Variants in HBEGF observed in about 807,000 individuals in gnomAD.
The protein encoded by HBEGF is proheparin-binding EGF-like growth factor.
A neutral mutation model predicts 19.5 loss-of-function variants in HBEGF; 8 were observed. The ratio of observed to expected loss-of-function variants is 0.41; its 90% CI spans 0.24 to 0.74. The LOEUF is 0.74. Ranked by LOEUF, HBEGF falls within the 30% of genes least tolerant of loss-of-function variation. The probability of loss-of-function intolerance (pLI) is 0.32; values close to 1 mark genes in which losing one functional copy is unlikely to be tolerated. For synonymous variants in HBEGF, 97 were observed against 108.9 expected (o/e 0.89, Z 0.68); for missense variants, 207 against 256.9 (o/e 0.81, Z 1.33).
intron 3 of HBEGF, among the ~76,000 whole-genome samples, chr5:140,341,698 A>T (rs907957270): frequency 6.6e-6 from 1 of 152,220 alleles, no homozygotes; most frequent in African/African-American, 2.4e-5. Flanking sequence ...TGCATACAAC[A>T]GTCTCTTGGC....
rs770209557 is a variant in HBEGF, at chr5:140,335,861, C to G, written c.554+11G>C. 1.2e-6 allele frequency: 2 copies of G among 1,613,458 alleles called. No individual in the cohort carries two copies. Among genetic ancestry groups the G allele is most frequent in the Non-Finnish European group, 1.7e-6 (2 of 1,179,710 alleles). On this transcript the variant is annotated intron_variant, in intron 4 of 5. Transcript: ENST00000230990. The stretch of plus-strand genomic sequence containing the variant: ...TTGCAGAAACAGCCTGCAGGGGACC[C>G]CAACACTCACCTAAACATGAGAAGC...
intron 3 of HBEGF, among the ~76,000 whole-genome samples, chr5:140,337,940 T>C (rs1430891216): frequency 1.3e-5 from 2 of 152,100 alleles, no homozygotes; most frequent in African/African-American, 4.8e-5. Flanking sequence ...CTCCTAACAT[T>C]CTGGTAGGCA....
chr5:140,343,982 A>G (rs1766354975), intron 2 of HBEGF, among the ~76,000 whole-genome samples: 1 of 152,170 alleles, frequency 6.6e-6, no homozygotes, highest in Non-Finnish European at 1.5e-5. Context: ...TACAAAAAAT[A>G]CAAAAATTAG....
chr5:140,342,583 G>T (rs1561542353), intron 3 of HBEGF, 52 bp downstream of exon 3: 2 of 1,534,516 alleles, frequency 1.3e-6, no homozygotes, highest in African/African-American at 1.4e-5. Context: ...GAACAGCCAC[G>T]TGGCTGACAA....
chr5:140,340,815 T>C (rs2237077), intron 3 of HBEGF, among the ~76,000 whole-genome samples: 47,274 of 151,922 alleles, frequency 0.31, 7,867 homozygotes, highest in African/African-American at 0.41. Flanking sequence ...CCAGTACAGC[T>C]TGAGGGCATG....
intron 3 of HBEGF, 81 bp from the exon 4 acceptor site, chr5:140,336,108 C>A: frequency 7.1e-7 from 1 of 1,416,910 alleles, no homozygotes; most frequent in East Asian, 2.3e-5. Flanking sequence ...TAAGCCAAAC[C>A]CCATTCCTCA....
chr5:140,343,116 A>C, intron 2 of HBEGF: 1 of 325,992 alleles, frequency 3.1e-6, no homozygotes, highest in South Asian at 5.2e-5. Context: ...AATTCTACCA[A>C]CCTCACCTCC....
intron 2 of HBEGF, 130 bp downstream of exon 2, chr5:140,345,781 G>C: frequency 1.8e-6 from 2 of 1,091,186 alleles, no homozygotes; most frequent in Non-Finnish European, 2.7e-6. Flanking sequence ...CCATCAGGCC[G>C]ATCAGCTTTT....
intron 2 of HBEGF, 145 bp downstream of exon 2, chr5:140,345,766 A>C (rs573781312): frequency 3.3e-6 from 3 of 900,236 alleles, no homozygotes; most frequent in Non-Finnish European, 5.3e-6. Context: ...AGGATCCCCC[A>C]GTGCCCATCA....
rs1007400044 is a variant in HBEGF at position 140,339,638 on chromosome 5, C to T, written c.398+2997G>A. ...CGAACTCCTGACCTCAGGCGACCCA[C>T]GTGCCTCGGCCTCCCAAAGTGCTGT... On this transcript the variant is annotated intron_variant, in intron 3 of 5. Coordinates refer to ENST00000230990, the MANE Select transcript of HBEGF (RefSeq NM_001945.3). Among the ~76,000 whole-genome samples the T allele has an allele frequency of 5.9e-5, 9 of 152,232 alleles. No homozygotes were observed. In the South Asian group the frequency reaches 6.2e-4, roughly 11 times the overall value.
intron 2 of HBEGF, among the ~76,000 whole-genome samples, chr5:140,343,372 G>A (rs892568105): frequency 1.3e-5 from 2 of 152,182 alleles, no homozygotes; most frequent in Non-Finnish European, 2.9e-5. Context: ...AGTACTATGA[G>A]CCCAGGGCAG....
At chr5:140,336,336 C>A (rs1310044218) in intron 3 of HBEGF, among the ~76,000 whole-genome samples, 1 of 152,198 alleles carries the variant, frequency 6.6e-6, no homozygotes, top group Non-Finnish European at 1.5e-5. Context: ...TAGATATGTT[C>A]CACGTGTGGC....
At chr5:140,339,469 T>A (rs1247192704) in intron 3 of HBEGF, among the ~76,000 whole-genome samples, 1 of 152,174 alleles carries the variant, frequency 6.6e-6, no homozygotes, top group Admixed American at 6.5e-5. Flanking sequence ...CTCGGCTCAC[T>A]GCAAGTTCTG....
At chr5:140,338,115 C>T (rs763083845) in intron 3 of HBEGF, among the ~76,000 whole-genome samples, 6 of 152,154 alleles carry the variant, frequency 3.9e-5, no homozygotes, top group Non-Finnish European at 7.4e-5. Context: ...TGCAGGATAG[C>T]GCAGGTAACT....
At position 140,345,930 on chromosome 5, in the gene HBEGF, T is replaced by G; in HGVS notation, c.201A>C (p.Ala67=). 1 of 1,614,210 alleles carries G rather than the reference T, an allele frequency of 6.2e-7. No individual in the cohort carries two copies. The highest frequency in any genetic ancestry group is 2.2e-5 in the East Asian group (1 of 44,890). ...ACCCACCTCTCAAAAGGTCCAGATC[T>G]GCCTCTTGCAAGTCACGGACTTTCC... ...RDRKVRDLQE[A]DLDLLRVTLS... The change falls in exon 2 of 6, where the codon GCA becomes GCC. Residue 67 remains alanine, a synonymous_variant. Coordinates refer to ENST00000230990, the MANE Select transcript of HBEGF (RefSeq NM_001945.3).
intron 4 of HBEGF, 122 bp downstream of exon 4, chr5:140,335,750 G>T: frequency 1.9e-6 from 2 of 1,060,658 alleles, no homozygotes; most frequent in South Asian, 3.1e-5. Context: ...TCTACACCCC[G>T]GAGCTAGCCC....
intron 3 of HBEGF, 122 bp downstream of exon 3, chr5:140,342,513 C>T (rs185651342): frequency 5.0e-5 from 49 of 973,720 alleles, no homozygotes; most frequent in South Asian, 3.9e-4. Context: ...TCCCAACTTC[C>T]GCCCAGAGGT....
intron 3 of HBEGF, among the ~76,000 whole-genome samples, chr5:140,337,051 A>G (rs6889944): frequency 1 from 151,673 of 152,068 alleles, 75,647 homozygotes; most frequent in East Asian, 1. Context: ...GGCTGGTCTC[A>G]AACTCCTGAC....
At position 140,346,271 on chromosome 5, in the gene HBEGF, C is replaced by T; in HGVS notation, c.46+12G>A. ...TCCCCCCGATCTCCGGGGGCGTCGG[C>T]AGCCCTCTTACCTGCAGCCAGAAAG... On this transcript the variant is annotated intron_variant, in intron 1 of 5. Transcript: ENST00000230990. This position sits in a 1 kb window ranked among gnomAD's most constrained non-coding sequence, Gnocchi z 6.1. The T allele has an allele frequency of 6.2e-7, 1 of 1,602,156 alleles. No individual in the cohort carries two copies. The highest frequency in any genetic ancestry group is 8.5e-7 in the Non-Finnish European group (1 of 1,175,090).
Sources: gnomAD v4.1 joint callset for allele counts (sites outside exome capture counted in the v4.1 genomes callset) on GRCh38, gnomAD v4.1.1 for gene constraint, Gnocchi (gnomAD v3.1) non-coding constraint, MANE v1.5 for transcripts, NCBI Gene and HGNC (gene_info 2026-07-23, HGNC 2026-07-21) for gene names.